POFUT4: variants seen among roughly 807,000 people sequenced by gnomAD.
POFUT4 encodes the protein GDP-fucose protein O-fucosyltransferase 4.
At chr10:73,773,861 T>A in the POFUT4 span, 1 of 1,510,192 alleles carries the variant, frequency 6.6e-7, no homozygotes, top group Non-Finnish European at 8.8e-7. Context: ...ATTTACTTAC[T>A]TGCTTACTGT....
chr10:73,773,067 G>A, the POFUT4 span: 3 of 1,549,342 alleles, frequency 1.9e-6, no homozygotes, highest in East Asian at 2.3e-5. Flanking sequence ...CCGGAGGGAA[G>A]GAAAAGGAGA....
At chr10:73,772,442 G>A in the POFUT4 span, 2 of 1,565,142 alleles carry the variant, frequency 1.3e-6, no homozygotes, top group African/African-American at 2.8e-5. Flanking sequence ...CGGGGAGGCG[G>A]AGTGGGCGGA....
the POFUT4 span, chr10:73,778,691 C>T: frequency 6.6e-6 from 1 of 152,174 alleles, no homozygotes; most frequent in Non-Finnish European, 1.5e-5. Context: ...ATACTGACAT[C>T]TAAGGATGCG....
At chr10:73,775,478 A>C in the POFUT4 span, 1 of 1,613,898 alleles carries the variant, frequency 6.2e-7, no homozygotes, top group Admixed American at 1.7e-5. Flanking sequence ...CCCCACTCGG[A>C]AAAAGGCAGG....
At chr10:73,779,692 C>A in the POFUT4 span, 5 of 151,998 alleles carry the variant, frequency 3.3e-5, no homozygotes, top group African/African-American at 1.2e-4. Context: ...ATAATTATTA[C>A]ACAAGTACAG....
chr10:73,773,930 C>T, the POFUT4 span: 6 of 1,180,250 alleles, frequency 5.1e-6, no homozygotes, highest in South Asian at 1.6e-5. Context: ...CACATGGGCT[C>T]ATTCTGTATT....
chr10:73,774,694 T>TCACACACACACACACACACA, the POFUT4 span: 1 of 150,140 alleles, frequency 6.7e-6, no homozygotes, highest in African/African-American at 2.5e-5. Flanking sequence ...TAAGACCCTG[T>TCACACACACACACACACACA]CACACACACA....
the POFUT4 span, chr10:73,773,658 G>A: frequency 6.2e-7 from 1 of 1,614,246 alleles, no homozygotes; most frequent in Non-Finnish European, 8.5e-7. Context: ...TTTCGTCTGT[G>A]ACTACGAACT....
At chr10:73,780,250 A>C in the POFUT4 span, 1 of 152,114 alleles carries the variant, frequency 6.6e-6, no homozygotes, top group Non-Finnish European at 1.5e-5. Context: ...CTTCTTGTTA[A>C]ACAATGTCTT....
At chr10:73,773,375 C>T in the POFUT4 span, 5 of 1,614,202 alleles carry the variant, frequency 3.1e-6, no homozygotes, top group Non-Finnish European at 4.2e-6. Flanking sequence ...GTCCCATGCA[C>T]CTGGGCGCTG....
chr10:73,775,331 T>C, the POFUT4 span: 2 of 1,160,908 alleles, frequency 1.7e-6, no homozygotes, highest in Non-Finnish European at 2.5e-6. Context: ...ATTGATTGGG[T>C]AGTCTGTGTG....
At chr10:73,777,835 G>T in the POFUT4 span, among the ~76,000 whole-genome samples, 2 of 151,060 alleles carry the variant, frequency 1.3e-5, no homozygotes, top group African/African-American at 4.9e-5. Flanking sequence ...GATTACAGGC[G>T]TGAGCCACCG....
the POFUT4 span, chr10:73,772,859 G>C: frequency 6.2e-7 from 1 of 1,612,296 alleles, no homozygotes; most frequent in Non-Finnish European, 8.5e-7. Flanking sequence ...TCGCCACTCG[G>C]ATTACCCGCT....
chr10:73,776,987 A>AT, the POFUT4 span, among the ~76,000 whole-genome samples: 2 of 152,062 alleles, frequency 1.3e-5, no homozygotes, highest in Non-Finnish European at 2.9e-5. Context: ...CCTCAAATAC[A>AT]TTTTTTTAAT....
the POFUT4 span, among the ~76,000 whole-genome samples, chr10:73,776,724 A>G: frequency 6.6e-6 from 1 of 152,074 alleles, no homozygotes; most frequent in Non-Finnish European, 1.5e-5. Flanking sequence ...CTTTGTCACC[A>G]GCTGGAGTGC....
chr10:73,776,684 A>ATT, the POFUT4 span, among the ~76,000 whole-genome samples: 1 of 152,132 alleles, frequency 6.6e-6, no homozygotes, highest in Non-Finnish European at 1.5e-5. Flanking sequence ...ACCGTCTCAA[A>ATT]TTATATATAT....
chr10:73,775,567 A>G, the POFUT4 span: 1 of 1,614,236 alleles, frequency 6.2e-7, no homozygotes, highest in South Asian at 1.1e-5. Flanking sequence ...CTGCAAGATT[A>G]TTGGCAAGGT....
the POFUT4 span, chr10:73,773,576 G>A: frequency 6.2e-7 from 1 of 1,614,140 alleles, no homozygotes; most frequent in Non-Finnish European, 8.5e-7. Context: ...AATTTCTTCT[G>A]GATAGTCTGA....
At chr10:73,773,038 C>T in the POFUT4 span, 2 of 1,571,014 alleles carry the variant, frequency 1.3e-6, no homozygotes, top group Admixed American at 1.8e-5. Flanking sequence ...TGCGCCACAT[C>T]CCGGTGAGTG....
Sources: allele counts gnomAD v4.1 joint callset (sites outside exome capture counted in the v4.1 genomes callset), GRCh38; gene constraint gnomAD v4.1.1; transcripts MANE v1.5; gene names NCBI Gene and HGNC (gene_info 2026-07-23, HGNC 2026-07-21).